ARHGAP24: variants seen among roughly 807,000 people sequenced by gnomAD.
ARHGAP24 encodes rho GTPase-activating protein 24.
ARHGAP24 carries 50 observed loss-of-function variants against 76.4 expected under a neutral mutation model. The ratio of observed to expected loss-of-function variants is 0.65; its 90% CI spans 0.52 to 0.83. The LOEUF is 0.83. Among genes scored for constraint, ARHGAP24 ranks in the 40% least tolerant of loss-of-function variants. ARHGAP24 has a pLI of 0.00. For synonymous variants in ARHGAP24, 345 were observed against 323.3 expected, an observed-to-expected ratio of 1.07 and a Z score of -0.72; for missense variants, 930 against 914.2, an observed-to-expected ratio of 1.02 and a Z score of -0.22.
chr4:85,578,054 C>T (rs1022534013), intron 2 of ARHGAP24, among the ~76,000 whole-genome samples: 13 of 152,138 alleles, frequency 8.5e-5, no homozygotes, highest in African/African-American at 3.1e-4. Context: ...GCCCATTTTT[C>T]TTGGTTTATT....
At position 85,807,163 on chromosome 4, in the gene ARHGAP24, G is replaced by A. The variant is rs1728826213; in HGVS notation, c.268+85191G>A. Among the ~76,000 whole-genome samples, 4 of 151,970 alleles carry A rather than the reference G, an allele frequency of 2.6e-5. No homozygotes were observed. In the South Asian group the frequency reaches 8.3e-4, roughly 32 times the overall value. On this transcript the variant is annotated intron_variant, in intron 3 of 9. Transcript: ENST00000395184. Reference sequence around the variant, plus strand: ...CTGAGATAGATGTGCAGAACGTGCAGGTGTGTTACATAGGTATACACATGC... The same window carrying A: ...CTGAGATAGATGTGCAGAACGTGCAAGTGTGTTACATAGGTATACACATGC...
At chr4:85,579,020 T>C (rs1030758947) in intron 2 of ARHGAP24, among the ~76,000 whole-genome samples, 2 of 152,178 alleles carry the variant, frequency 1.3e-5, no homozygotes, top group African/African-American at 4.8e-5. Context: ...CTTTGTAGTA[T>C]GTCTTTTCTC....
intron 2 of ARHGAP24, among the ~76,000 whole-genome samples, chr4:85,702,516 C>T (rs1431247891): frequency 2.0e-5 from 3 of 151,986 alleles, no homozygotes; most frequent in African/African-American, 7.2e-5. Flanking sequence ...TTTTCATATA[C>T]ATTAACATAT....
chr4:85,534,351 A>G (rs1725382390), intron 1 of ARHGAP24, among the ~76,000 whole-genome samples: 1 of 152,220 alleles, frequency 6.6e-6, no homozygotes, highest in African/African-American at 2.4e-5. Context: ...GGTTTTACTA[A>G]CTGAAAGATT....
intron 5 of ARHGAP24, among the ~76,000 whole-genome samples, chr4:85,965,276 C>T (rs1353298058): frequency 1.3e-5 from 2 of 152,032 alleles, no homozygotes; most frequent in Non-Finnish European, 2.9e-5. Flanking sequence ...TTTTTAAAAC[C>T]ATCAGATCTC....
intron 3 of ARHGAP24, among the ~76,000 whole-genome samples, chr4:85,894,960 CAAAAAAAAAAAAAA>C (rs540459367): frequency 2.8e-5 from 1 of 35,356 alleles, no homozygotes. Context: ...GACTCCCTCT[CAAAAAAAAAAAAAA>C]AAAAAAAAAA....
chr4:85,668,589 T>G (rs1468756133), intron 2 of ARHGAP24, among the ~76,000 whole-genome samples: 1 of 152,058 alleles, frequency 6.6e-6, no homozygotes, highest in East Asian at 1.9e-4. Flanking sequence ...AATCAAAAGA[T>G]GAGATGGAGT....
intron 1 of ARHGAP24, among the ~76,000 whole-genome samples, chr4:85,542,232 C>A (rs1213313158): frequency 1.3e-5 from 2 of 152,000 alleles, no homozygotes; most frequent in African/African-American, 4.8e-5. Flanking sequence ...TCTTATGTAG[C>A]GTATAAGTAA....
chr4:85,500,754 A>C (rs1260734283), intron 1 of ARHGAP24, among the ~76,000 whole-genome samples: 2 of 152,138 alleles, frequency 1.3e-5, no homozygotes, highest in African/African-American at 2.4e-5. Context: ...TCTAGGGTAC[A>C]TGTGCACAAC....
At chr4:85,618,539 GT>G (rs1720610151) in intron 2 of ARHGAP24, among the ~76,000 whole-genome samples, 1 of 152,010 alleles carries the variant, frequency 6.6e-6, no homozygotes, top group African/African-American at 2.4e-5. Context: ...CTATTTTTTA[GT>G]TTTTTGAGGA....
At chr4:85,982,836 C>T (rs916273260) in intron 8 of ARHGAP24, among the ~76,000 whole-genome samples, 3 of 152,024 alleles carry the variant, frequency 2.0e-5, no homozygotes, top group Non-Finnish European at 4.4e-5. Flanking sequence ...TAAACATGTG[C>T]CATGGTGATT....
chr4:85,759,355 T>A (rs578129215), intron 3 of ARHGAP24, among the ~76,000 whole-genome samples: 1 of 152,262 alleles, frequency 6.6e-6, no homozygotes, highest in South Asian at 2.1e-4. Flanking sequence ...AAATGGCACC[T>A]GAACCAGCCC....
At chr4:85,755,237 G>A (rs993583453) in intron 3 of ARHGAP24, among the ~76,000 whole-genome samples, 1 of 152,122 alleles carries the variant, frequency 6.6e-6, no homozygotes, top group African/African-American at 2.4e-5. Context: ...CCATCCCAGT[G>A]TACTTATGGG....
At chr4:85,884,877 G>C (rs888953353) in intron 3 of ARHGAP24, among the ~76,000 whole-genome samples, 22 of 152,012 alleles carry the variant, frequency 1.4e-4, no homozygotes, top group Non-Finnish European at 2.5e-4. Flanking sequence ...TGTCTGATCT[G>C]CTTCATCTAC....
intron 2 of ARHGAP24, among the ~76,000 whole-genome samples, chr4:85,580,948 T>C (rs994576389): frequency 3.9e-4 from 60 of 152,272 alleles, no homozygotes; most frequent in South Asian, 2.1e-4. Flanking sequence ...TAACATCTCA[T>C]TACAAAAACC....
At chr4:85,721,548 T>A (rs1724938423) in intron 2 of ARHGAP24, among the ~76,000 whole-genome samples, 1 of 152,184 alleles carries the variant, frequency 6.6e-6, no homozygotes, top group Non-Finnish European at 1.5e-5. Flanking sequence ...ATCTACCTCA[T>A]AAGATTATAC....
rs1205284428 is a variant in ARHGAP24, at chr4:85,664,763, G to A, written c.181-57122G>A. ...ACATCTTTATTTCTGCCTTCATTTCGTTATGTACCCAGTAGTCATTCAGGA... is the reference window on the plus strand; with the variant it reads ...ACATCTTTATTTCTGCCTTCATTTCATTATGTACCCAGTAGTCATTCAGGA... On this transcript the variant is annotated intron_variant, in intron 2 of 9. Coordinates refer to ENST00000395184, the MANE Select transcript of ARHGAP24 (RefSeq NM_001025616.3). Among the ~76,000 whole-genome samples, 12 of 151,834 alleles carry A rather than the reference G, an allele frequency of 7.9e-5. No individual in the cohort carries two copies. In the South Asian group the frequency reaches 8.4e-4, roughly 11 times the overall value.
intron 3 of ARHGAP24, among the ~76,000 whole-genome samples, chr4:85,892,233 T>G (rs1417995577): frequency 1.7e-5 from 1 of 58,112 alleles, no homozygotes; most frequent in East Asian, 2.9e-4. Flanking sequence ...TTATTGTGTC[T>G]ATTTGATTCT....
chr4:85,742,299 A>T (rs1334560907), intron 3 of ARHGAP24, among the ~76,000 whole-genome samples: 2 of 152,222 alleles, frequency 1.3e-5, no homozygotes, highest in Non-Finnish European at 2.9e-5. Flanking sequence ...ATCGTGCAAC[A>T]TGGAGAGCGG....
Sources: gnomAD v4.1 joint callset for allele counts (sites outside exome capture counted in the v4.1 genomes callset) on GRCh38, gnomAD v4.1.1 for gene constraint, MANE v1.5 for transcripts, NCBI Gene and HGNC (gene_info 2026-07-23, HGNC 2026-07-21) for gene names.